Variants in UBE2G1 observed in about 807,000 individuals in gnomAD.
UBE2G1 encodes ubiquitin-conjugating enzyme E2 G1.
In UBE2G1, 5 loss-of-function variants were observed where a neutral mutation model predicts 22.7. The observed-to-expected ratio is 0.22, with a 90% CI of 0.12 to 0.46. The LOEUF (loss-of-function observed/expected upper bound fraction) is 0.46. Ranked by LOEUF, UBE2G1 falls within the 20% of genes least tolerant of loss-of-function variation. The pLI is 0.99. For synonymous variants in UBE2G1, 74 were observed against 67.5 expected (o/e 1.10, Z -0.47); for missense variants, 88 against 203.9 (o/e 0.43, Z 3.46).
chr17:4,338,179 A>G (rs1969671281), intron 1 of UBE2G1, among the ~76,000 whole-genome samples: 1 of 152,118 alleles, frequency 6.6e-6, no homozygotes, highest in Admixed American at 6.5e-5. Context: ...CAAAAAAAAA[A>G]AAACGAAAAC....
At chr17:4,296,636 A>G in intron 3 of UBE2G1, 81 bp downstream of exon 3, 1 of 1,353,068 alleles carries the variant, frequency 7.4e-7, no homozygotes, top group Non-Finnish European at 1.1e-6. Flanking sequence ...ACTGAGAAAC[A>G]GATCTTTCTT....
At chr17:4,359,587 T>G (rs1001330782) in intron 1 of UBE2G1, among the ~76,000 whole-genome samples, 1 of 152,186 alleles carries the variant, frequency 6.6e-6, no homozygotes, top group Admixed American at 6.5e-5. Context: ...AACTTCTGAT[T>G]AGACCGGGCG....
At chr17:4,342,968 G>C (rs140771024) in intron 1 of UBE2G1, among the ~76,000 whole-genome samples, 348 of 152,184 alleles carry the variant, frequency 2.3e-3, no homozygotes, top group African/African-American at 8.0e-3. Context: ...CAAGACATCA[G>C]TACTCCACCC....
At chr17:4,282,184 G>A (rs1968901386) in intron 5 of UBE2G1, among the ~76,000 whole-genome samples, 1 of 152,122 alleles carries the variant, frequency 6.6e-6, no homozygotes, top group Non-Finnish European at 1.5e-5. Flanking sequence ...CCAGGTTCAA[G>A]CGATTCTCCT....
intron 1 of UBE2G1, among the ~76,000 whole-genome samples, chr17:4,339,584 C>T (rs1220238818): frequency 2.6e-5 from 4 of 152,120 alleles, no homozygotes; most frequent in African/African-American, 9.7e-5. Flanking sequence ...GGATTACAGG[C>T]GTGAGCCACC....
At chr17:4,283,295 G>A (rs1202021289) in intron 4 of UBE2G1, among the ~76,000 whole-genome samples, 1 of 152,200 alleles carries the variant, frequency 6.6e-6, no homozygotes, top group African/African-American at 2.4e-5. Flanking sequence ...GGCGGATCAC[G>A]AGGTCGGGAG....
intron 1 of UBE2G1, among the ~76,000 whole-genome samples, chr17:4,309,767 A>G (rs1033364585): frequency 6.6e-6 from 1 of 152,214 alleles, no homozygotes; most frequent in African/African-American, 2.4e-5. Context: ...GAAATCACCT[A>G]GTTGTTGCAT....
At chr17:4,339,815 C>T (rs1969691321) in intron 1 of UBE2G1, among the ~76,000 whole-genome samples, 1 of 151,924 alleles carries the variant, frequency 6.6e-6, no homozygotes, top group African/African-American at 2.4e-5. Flanking sequence ...TGCCATTGCG[C>T]TCCAGCCTGG....
At chr17:4,282,356 T>C (rs1359251913) in intron 5 of UBE2G1, among the ~76,000 whole-genome samples, 1 of 152,182 alleles carries the variant, frequency 6.6e-6, no homozygotes, top group African/African-American at 2.4e-5. Flanking sequence ...GTGCTGGGAT[T>C]ACAGGCATGA....
intron 3 of UBE2G1, among the ~76,000 whole-genome samples, chr17:4,294,739 A>G (rs893380): frequency 0.58 from 87,518 of 151,646 alleles, 27,254 homozygotes; most frequent in East Asian, 0.8. Flanking sequence ...ACATGGTGAA[A>G]CCCCGTCTTT....
intron 3 of UBE2G1, among the ~76,000 whole-genome samples, chr17:4,290,475 C>T (rs1394215374): frequency 6.6e-6 from 1 of 151,844 alleles, no homozygotes; most frequent in Admixed American, 6.6e-5. Context: ...TCTGTTGTTG[C>T]TGTTTTGGTT....
chr17:4,274,977 GTGTACCACTGCAC>G (rs1968805074), intron 5 of UBE2G1, among the ~76,000 whole-genome samples: 1 of 152,178 alleles, frequency 6.6e-6, no homozygotes, highest in African/African-American at 2.4e-5. Context: ...TGAGACATGA[GTGTACCACTGCAC>G]TGAAGCCTGA....
intron 2 of UBE2G1, chr17:4,302,089 C>T (rs560337483): frequency 2.1e-4 from 111 of 523,156 alleles, no homozygotes; most frequent in Non-Finnish European, 3.8e-4. Context: ...AAGGATTTCT[C>T]CTTACCCCTG....
intron 1 of UBE2G1, among the ~76,000 whole-genome samples, chr17:4,349,088 C>T (rs191275670): frequency 1.1e-3 from 171 of 151,942 alleles, no homozygotes; most frequent in South Asian, 2.3e-3. Context: ...TTTGGGAGGC[C>T]GAGGTGGGCA....
intron 1 of UBE2G1, among the ~76,000 whole-genome samples, chr17:4,336,182 T>C (rs1969643614): frequency 6.6e-6 from 1 of 151,862 alleles, no homozygotes; most frequent in Non-Finnish European, 1.5e-5. Flanking sequence ...AAAGCAAACA[T>C]ATAGATGACA....
At position 4,342,914 on chromosome 17, in the gene UBE2G1, T is replaced by C. The variant is rs561255866; in HGVS notation, c.46+23357A>G. Among the ~76,000 whole-genome samples the C allele has an allele frequency of 1.3e-4, 20 of 152,278 alleles. 1 individual carries two copies. Among genetic ancestry groups the C allele is most frequent in the African/African-American group, 4.8e-4 (20 of 41,542 alleles). On this transcript the variant is annotated intron_variant, in intron 1 of 5. Transcript: ENST00000396981. ...TGACATTGCCAGGCCTCTCTCCCACTGCAGCGCCCCTGTACTGTTCTTCTC... is the reference window on the plus strand; with the variant it reads ...TGACATTGCCAGGCCTCTCTCCCACCGCAGCGCCCCTGTACTGTTCTTCTC...
At chr17:4,285,677 C>T (rs1390387732) in intron 4 of UBE2G1, among the ~76,000 whole-genome samples, 1 of 152,136 alleles carries the variant, frequency 6.6e-6, no homozygotes. Context: ...AGCGGCCGGG[C>T]GAGGTGGCTC....
intron 4 of UBE2G1, among the ~76,000 whole-genome samples, chr17:4,284,846 T>C (rs1438883856): frequency 2.2e-5 from 3 of 134,452 alleles, no homozygotes; most frequent in African/African-American, 9.1e-5. Flanking sequence ...TTCTTTTTTT[T>C]TTTTTTTTTT....
chr17:4,346,431 C>CTTTTTTTTTTT (rs67852481), intron 1 of UBE2G1, among the ~76,000 whole-genome samples: 1 of 120,530 alleles, frequency 8.3e-6, no homozygotes, highest in Admixed American at 8.6e-5. Context: ...TTTTCTTCTT[C>CTTTTTTTTTTT]TTTTTTTTTT....
Sources: allele counts gnomAD v4.1 joint callset (sites outside exome capture counted in the v4.1 genomes callset), GRCh38; gene constraint gnomAD v4.1.1; transcripts MANE v1.5; gene names NCBI Gene and HGNC (gene_info 2026-07-23, HGNC 2026-07-21).